Variants in TSPEAR observed in about 807,000 individuals in gnomAD.
TSPEAR encodes the protein thrombospondin-type laminin G domain and EAR repeat-containing protein.
A neutral mutation model predicts 71.6 loss-of-function variants in TSPEAR; 69 were observed. The ratio of observed to expected loss-of-function variants is 0.96; its 90% CI spans 0.79 to 1.18. The LOEUF (loss-of-function observed/expected upper bound fraction) is 1.18, where lower values mean the gene tolerates loss of function less well. Ranked by LOEUF, TSPEAR falls within the 50% of genes most tolerant of loss-of-function variation. The pLI, the probability that TSPEAR is intolerant of heterozygous loss-of-function variation, is 0.00. For missense variants in TSPEAR, 971 were observed against 894.9 expected (o/e 1.09, Z -1.09); for synonymous variants, 402 against 387.2 (o/e 1.04, Z -0.45).
chr21:44,683,863 G>C (rs1986734712), intron 1 of TSPEAR, among the ~76,000 whole-genome samples: 1 of 152,172 alleles, frequency 6.6e-6, no homozygotes, highest in Admixed American at 6.5e-5. Flanking sequence ...TGGATAAATA[G>C]GGAATCTCAG....
In TSPEAR at chr21:44,499,872, C is replaced by T; in HGVS notation, c.1921G>A (p.Glu641Lys). The change falls in exon 12 of 12, where the codon GAG becomes AAG. Residue 641 changes from glutamate to lysine, a missense_variant. Physicochemically the swap from Glu to Lys is moderately conservative, Grantham distance 56. Transcript: ENST00000323084. ...GCACCAGCCGTGGTGCTGAAGGCCT[C>T]CCAGTCCCTGCAGCCGACGGTGGGG... ...SLPTVGCRDW[E>K]AFSTTAGAYL... The T allele has an allele frequency of 6.2e-7, 1 of 1,605,976 alleles. No homozygotes were observed. The highest frequency in any genetic ancestry group is 8.5e-7 in the Non-Finnish European group (1 of 1,177,240).
chr21:44,629,422 C>T (rs182526231), intron 1 of TSPEAR, among the ~76,000 whole-genome samples: 9 of 152,180 alleles, frequency 5.9e-5, no homozygotes, highest in East Asian at 3.8e-4. Context: ...TGTGTCCTTA[C>T]GGGGCTGTCC....
At chr21:44,662,985 AT>A (rs1985574578) in intron 1 of TSPEAR, among the ~76,000 whole-genome samples, 2 of 152,310 alleles carry the variant, frequency 1.3e-5, no homozygotes, top group Admixed American at 1.3e-4. Flanking sequence ...GGATAAAATT[AT>A]ATCATTAAGT....
At position 44,711,498 on chromosome 21, in the gene TSPEAR, C is replaced by T. The variant is rs1555953631; in HGVS notation, c.17G>A (p.Ser6Asn). 6.2e-7 allele frequency: 1 copy of T among 1,611,960 alleles called. No individual in the cohort carries two copies. The part of the protein sequence containing the change: MSALL[S>N]LCFVLPLAAP... ...CGCCAGGGGCAGCACAAAACACAGA[C>T]TCAGCAGGGCAGACATGAGGGGCTT... Residue 6 changes from serine (S) to asparagine (N), a missense_variant, in exon 1 of 12, where the codon AGT becomes AAT. Physicochemically the swap from Ser to Asn is conservative, Grantham distance 46 (BLOSUM62 1). Coordinates refer to ENST00000323084, the MANE Select transcript of TSPEAR (RefSeq NM_144991.3). This position sits in a 1 kb window ranked among gnomAD's most constrained non-coding sequence, Gnocchi z 4.5.
At position 44,711,424 on chromosome 21, in the gene TSPEAR, C is replaced by A; in HGVS notation, c.82+9G>T. The A allele has an allele frequency of 6.3e-7, 1 of 1,590,214 alleles. No individual in the cohort carries two copies. The highest frequency in any genetic ancestry group is 2.3e-5 in the East Asian group (1 of 43,782). ...TACCCCCGCCCGAGTTCCCATGCCCCTGCCTTACCTGTGCAGGGCTCCCAA... is the reference window on the plus strand; with the variant it reads ...TACCCCCGCCCGAGTTCCCATGCCCATGCCTTACCTGTGCAGGGCTCCCAA... On this transcript the variant is annotated intron_variant, in intron 1 of 11. Transcript: ENST00000323084. The surrounding 1 kb of genome is among the most constrained non-coding windows in gnomAD (Gnocchi z 4.5).
intron 1 of TSPEAR, among the ~76,000 whole-genome samples, chr21:44,663,556 C>T (rs1194763092): frequency 2.0e-5 from 3 of 152,064 alleles, no homozygotes; most frequent in Non-Finnish European, 2.9e-5. Context: ...TCTACATGAA[C>T]TCTTCCAGAA....
At chr21:44,527,261 G>A (rs1555915028) in intron 7 of TSPEAR, 31 bp downstream of exon 7, 1 of 1,611,522 alleles carries the variant, frequency 6.2e-7, no homozygotes, top group Non-Finnish European at 8.5e-7. Context: ...AAGAGAAAGG[G>A]GATGGAGAAA....
chr21:44,561,581 A>G (rs781970816), intron 2 of TSPEAR, among the ~76,000 whole-genome samples: 1 of 152,244 alleles, frequency 6.6e-6, no homozygotes, highest in Non-Finnish European at 1.5e-5. Context: ...AAAATCCTCA[A>G]TAAAATACTG....
intron 2 of TSPEAR, among the ~76,000 whole-genome samples, chr21:44,556,565 C>T (rs587673886): frequency 8.7e-4 from 133 of 152,192 alleles, no homozygotes; most frequent in Non-Finnish European, 1.4e-3. Context: ...TGGTGGCCTG[C>T]GCCTGTAATC....
At chr21:44,517,857 G>A (rs189300394) in intron 9 of TSPEAR, 27 of 471,104 alleles carry the variant, frequency 5.7e-5, no homozygotes, top group African/African-American at 2.8e-4. Context: ...TTGCTCTCGC[G>A]CTCCTTGGGC....
chr21:44,541,053 G>A (rs587624104), intron 2 of TSPEAR, among the ~76,000 whole-genome samples: 14 of 151,484 alleles, frequency 9.2e-5, no homozygotes, highest in East Asian at 1.9e-4. Flanking sequence ...GATTGCAGGC[G>A]TGAGCCCGGT....
chr21:44,658,297 C>T (rs782678890), intron 1 of TSPEAR: 4 of 1,604,674 alleles, frequency 2.5e-6, no homozygotes, highest in East Asian at 2.2e-5. Flanking sequence ...CACGGGGGTA[C>T]ACACCTGTAT....
At chr21:44,599,280 G>A (rs139766875) in intron 1 of TSPEAR, among the ~76,000 whole-genome samples, 194 of 152,210 alleles carry the variant, frequency 1.3e-3, no homozygotes, top group African/African-American at 4.5e-3. Context: ...TCATCCCACC[G>A]TGTAACTGAA....
chr21:44,709,614 G>A (rs1301714065), intron 1 of TSPEAR, among the ~76,000 whole-genome samples: 4 of 152,234 alleles, frequency 2.6e-5, no homozygotes, highest in Non-Finnish European at 4.4e-5. Flanking sequence ...TCAACCACCC[G>A]CCGCGGCTCC....
intron 1 of TSPEAR, among the ~76,000 whole-genome samples, chr21:44,709,328 C>T (rs1368504931): frequency 6.6e-6 from 1 of 152,252 alleles, no homozygotes; most frequent in Non-Finnish European, 1.5e-5. Flanking sequence ...CTGCAATCGC[C>T]CTTCGCACTG....
chr21:44,591,700 G>A (rs782622821), intron 1 of TSPEAR: 1 of 1,576,780 alleles, frequency 6.3e-7, no homozygotes, highest in Non-Finnish European at 8.7e-7. Flanking sequence ...GGGGGAGGAG[G>A]TGCAGCAAGC....
intron 1 of TSPEAR, chr21:44,677,682 G>C: frequency 7.1e-7 from 1 of 1,409,932 alleles, no homozygotes; most frequent in Non-Finnish European, 1.0e-6. Flanking sequence ...TGAAGCTGGA[G>C]TATCTCCCTT....
At chr21:44,674,329 C>T (rs1205903251) in intron 1 of TSPEAR, among the ~76,000 whole-genome samples, 1 of 150,426 alleles carries the variant, frequency 6.6e-6, no homozygotes, top group Non-Finnish European at 1.5e-5. Context: ...CAATAAACAG[C>T]TAGCTAGGCT....
At chr21:44,597,809 A>G (rs1291056255) in intron 1 of TSPEAR, among the ~76,000 whole-genome samples, 1 of 152,154 alleles carries the variant, frequency 6.6e-6, no homozygotes, top group African/African-American at 2.4e-5. Flanking sequence ...CAGACCAACA[A>G]TATATTTTAA....
Sources: allele counts gnomAD v4.1 joint callset (sites outside exome capture counted in the v4.1 genomes callset), GRCh38; gene constraint gnomAD v4.1.1; non-coding constraint Gnocchi (gnomAD v3.1); transcripts MANE v1.5; gene names NCBI Gene and HGNC (gene_info 2026-07-23, HGNC 2026-07-21).